Variants in ATR observed in about 807,000 individuals in gnomAD.
ATR encodes the protein serine/threonine-protein kinase ATR.
Under a neutral mutation model 305.3 loss-of-function variants are expected in ATR, and 142 were observed. That is an observed-to-expected ratio of 0.47 (90% CI 0.41 to 0.53). ATR has a LOEUF of 0.53. Among genes scored for constraint, ATR ranks in the 20% least tolerant of loss-of-function variants. ATR has a pLI of 0.00. For synonymous variants in ATR, 1,050 were observed against 1,068.1 expected (o/e 0.98, Z 0.33); for missense variants, 2,135 against 3,133.1 (o/e 0.68, Z 7.60).
intron 35 of ATR, among the ~76,000 whole-genome samples, chr3:142,492,742 T>C (rs1213271786): frequency 6.6e-6 from 1 of 152,190 alleles, no homozygotes; most frequent in African/African-American, 2.4e-5. Flanking sequence ...TCAATTTCCA[T>C]TGAAAGTTTT....
intron 36 of ATR, among the ~76,000 whole-genome samples, chr3:142,473,558 T>C (rs1457915054): frequency 2.6e-5 from 4 of 151,984 alleles, no homozygotes; most frequent in Admixed American, 2.0e-4. Context: ...TTTTTTTTTT[T>C]TTTTAGAGAC....
At position 142,559,333 on chromosome 3, in the gene ATR, C is replaced by G. The variant is rs768509782; in HGVS notation, c.1650G>C (p.Leu550Phe). The part of the protein sequence containing the change: ...YTKVLKSCRS[L>F]LESVQKLDLE... ...GGTCCAGTTTCTGAACAGATTCTAA[C>G]AAACTTCTACAGCTCTTAAGCACTT... Residue 550 changes from leucine to phenylalanine, a missense_variant, in exon 7 of 47, where the codon TTG (leucine) becomes TTC (phenylalanine). Coordinates refer to ENST00000350721, the MANE Select transcript of ATR (RefSeq NM_001184.4). 6.2e-7 allele frequency: 1 copy of G among 1,613,962 alleles called. No homozygotes were observed. Among genetic ancestry groups the G allele is most frequent in the South Asian group, 1.1e-5 (1 of 91,076 alleles).
At chr3:142,473,828 C>G (rs998719907) in intron 36 of ATR, among the ~76,000 whole-genome samples, 3 of 151,772 alleles carry the variant, frequency 2.0e-5, no homozygotes, top group Admixed American at 6.6e-5. Context: ...TGTGAGCCAC[C>G]ACGCCCGGCC....
At chr3:142,517,879 T>C (rs1460940559) in intron 24 of ATR, among the ~76,000 whole-genome samples, 1 of 152,212 alleles carries the variant, frequency 6.6e-6, no homozygotes, top group Non-Finnish European at 1.5e-5. Context: ...TATTATTGAG[T>C]GTCAACTAAA....
intron 31 of ATR, among the ~76,000 whole-genome samples, 196 bp downstream of exon 31, chr3:142,499,431 A>T (rs2031831110): frequency 6.6e-6 from 1 of 151,424 alleles, no homozygotes; most frequent in Non-Finnish European, 1.5e-5. Flanking sequence ...AGTAGTTGGG[A>T]CTACAGGCGC....
chr3:142,521,696 G>T (rs185858872), intron 23 of ATR, among the ~76,000 whole-genome samples: 3 of 152,268 alleles, frequency 2.0e-5, no homozygotes, highest in Non-Finnish European at 4.4e-5. Context: ...GATAAAAACA[G>T]CAAGAAAACT....
At chr3:142,482,880 T>G (rs1039263794) in intron 36 of ATR, among the ~76,000 whole-genome samples, 1 of 151,954 alleles carries the variant, frequency 6.6e-6, no homozygotes, top group East Asian at 1.9e-4. Flanking sequence ...TTACTCATTT[T>G]GCTACCCTAA....
chr3:142,498,791 G>A lies in ATR; in HGVS notation c.5381-17C>T, dbSNP rs1179395044. On this transcript the variant is annotated splice_polypyrimidine_tract_variant and intron_variant, in intron 31 of 46. Transcript: ENST00000350721. ...ATTTTCCATCTGAAAAACAAATGAA[G>A]AGTCAAGAAATGTCACGGTAGCTGG... The A allele has an allele frequency of 6.2e-7, 1 of 1,613,018 alleles. No homozygotes were observed. Among genetic ancestry groups the A allele is most frequent in the Non-Finnish European group, 8.5e-7 (1 of 1,179,354 alleles).
At chr3:142,529,473 A>C (rs35440390) in intron 21 of ATR, among the ~76,000 whole-genome samples, 2,845 of 152,182 alleles carry the variant, frequency 0.019, 32 homozygotes, top group South Asian at 0.041. Context: ...ATTATCCCAC[A>C]CTTGCCCTAT....
chr3:142,452,863 T>G, intron 46 of ATR: 5 of 1,300,728 alleles, frequency 3.8e-6, no homozygotes, highest in Non-Finnish European at 4.9e-6. Flanking sequence ...TTTTTCCTAC[T>G]GTATCTCATA....
At chr3:142,473,503 G>A (rs2071348414) in intron 36 of ATR, among the ~76,000 whole-genome samples, 1 of 150,732 alleles carries the variant, frequency 6.6e-6, no homozygotes. Flanking sequence ...ATAGCTTTGT[G>A]GTATAATTTT....
chr3:142,545,848 C>A (rs915599320), intron 16 of ATR, among the ~76,000 whole-genome samples: 1 of 151,886 alleles, frequency 6.6e-6, no homozygotes, highest in Non-Finnish European at 1.5e-5. Context: ...TGGTAGATAG[C>A]GGTACCATTA....
In ATR at chr3:142,563,027, T is replaced by G. The variant is rs2034940829; in HGVS notation, c.375A>C (p.Glu125Asp). ...SCHLLHKKICEVICSLLFLFK... is the reference protein window; with the variant it reads ...SCHLLHKKICDVICSLLFLFK... ...AAAGAAATAATAATGAACAGATGACTTCACAGATTTTCTTGTGTAACAAAT... is the reference window on the plus strand; with the variant it reads ...AAAGAAATAATAATGAACAGATGACGTCACAGATTTTCTTGTGTAACAAAT... Residue 125 changes from glutamate (E) to aspartate (D), a missense_variant, in exon 4 of 47, where the codon GAA becomes GAC. Around this residue, in one of 9 missense-constraint regions of ATR, gnomAD observed 744 missense variants for 873.2 expected, o/e 0.85. Coordinates refer to ENST00000350721, the MANE Select transcript of ATR (RefSeq NM_001184.4). The G allele has an allele frequency of 6.3e-7, 1 of 1,599,116 alleles. No individual in the cohort carries two copies. The highest frequency in any genetic ancestry group is 1.3e-5 in the African/African-American group (1 of 74,148).
At chr3:142,522,106 A>G (rs1468596499) in intron 23 of ATR, among the ~76,000 whole-genome samples, 1 of 152,218 alleles carries the variant, frequency 6.6e-6, no homozygotes, top group Admixed American at 6.5e-5. Flanking sequence ...ATTAATCAGC[A>G]TCATCAACAT....
In ATR at chr3:142,556,027, G is replaced by C. The variant is rs765704773; in HGVS notation, c.2191C>G (p.Pro731Ala). The change falls in exon 10 of 47, where the codon CCT (proline) becomes GCT (alanine). Residue 731 changes from proline (P) to alanine (A), a missense_variant. By Grantham distance (27) the Pro-to-Ala change is conservative. Coordinates refer to ENST00000350721, the MANE Select transcript of ATR (RefSeq NM_001184.4). Reference sequence around the variant, plus strand: ...TCCACATGTCCGTGTTCAGAGAAAGGTTCTGTTAAAGAACTTGTCAGATAA... The same window carrying C: ...TCCACATGTCCGTGTTCAGAGAAAGCTTCTGTTAAAGAACTTGTCAGATAA... ...MFYLTSSLTE[P>A]FSEHGHVDLF... The C allele has an allele frequency of 6.2e-7, 1 of 1,614,024 alleles. No homozygotes were observed. The highest frequency in any genetic ancestry group is 1.7e-5 in the Admixed American group (1 of 60,020).
chr3:142,533,562 GT>G (rs1353693722), intron 21 of ATR, among the ~76,000 whole-genome samples: 1 of 152,134 alleles, frequency 6.6e-6, no homozygotes, highest in Non-Finnish European at 1.5e-5. Context: ...ATTCCTAGGT[GT>G]TTTGGGCCAG....
At chr3:142,510,899 T>C (rs2032517257) in intron 27 of ATR, among the ~76,000 whole-genome samples, 1 of 152,068 alleles carries the variant, frequency 6.6e-6, no homozygotes, top group African/African-American at 2.4e-5. Flanking sequence ...AGGGACAAAT[T>C]AGCAGTTGTC....
intron 21 of ATR, among the ~76,000 whole-genome samples, chr3:142,532,239 C>T (rs1271032494): frequency 6.6e-6 from 1 of 152,028 alleles, no homozygotes; most frequent in Non-Finnish European, 1.5e-5. Context: ...GCCATCTTGG[C>T]TCCACCTCCC....
chr3:142,556,190 C>A (rs2108472266), intron 9 of ATR, 51 bp from the exon 10 acceptor site: 1 of 1,593,622 alleles, frequency 6.3e-7, no homozygotes, highest in South Asian at 1.1e-5. Flanking sequence ...ATTTTGTGGT[C>A]TAAATAGTCT....
Sources: allele counts gnomAD v4.1 joint callset (sites outside exome capture counted in the v4.1 genomes callset), GRCh38; gene constraint gnomAD v4.1.1; regional missense constraint gnomAD v4.1.1; transcripts MANE v1.5; gene names NCBI Gene and HGNC (gene_info 2026-07-23, HGNC 2026-07-21).